Variants in RBM6 observed in about 807,000 individuals in gnomAD.
RBM6 encodes RNA binding motif protein 6.
Under a neutral mutation model 140.4 loss-of-function variants are expected in RBM6, and 23 were observed. The ratio of observed to expected loss-of-function variants is 0.16; its 90% CI spans 0.12 to 0.23. The LOEUF is 0.23. Among genes scored for constraint, RBM6 ranks in the 10% least tolerant of loss-of-function variants. The pLI is 1.00. For synonymous variants in RBM6, 439 were observed against 475.6 expected (o/e 0.92, Z 1.00); for missense variants, 1,139 against 1,386.7 (o/e 0.82, Z 2.84).
chr3:49,980,687 G>A (rs549913672), intron 5 of RBM6, among the ~76,000 whole-genome samples: 20 of 150,548 alleles, frequency 1.3e-4, no homozygotes, highest in South Asian at 1.3e-3. Flanking sequence ...ACTTGAACTC[G>A]GGAGGCGGAG....
chr3:49,961,655 C>T (rs1226430229), intron 1 of RBM6, among the ~76,000 whole-genome samples: 4 of 151,318 alleles, frequency 2.6e-5, no homozygotes, highest in African/African-American at 4.9e-5. Flanking sequence ...AAAAATTAGC[C>T]GGGCATGGTG....
intron 1 of RBM6, among the ~76,000 whole-genome samples, chr3:49,946,334 G>T (rs553458709): frequency 3.6e-4 from 55 of 151,212 alleles, no homozygotes; most frequent in Non-Finnish European, 6.6e-4. Flanking sequence ...TCCACCTCCC[G>T]GGTTCAAGCG....
At chr3:50,063,742 A>G (rs537398449) in intron 15 of RBM6, among the ~76,000 whole-genome samples, 1 of 152,146 alleles carries the variant, frequency 6.6e-6, no homozygotes, top group African/African-American at 2.4e-5. Flanking sequence ...CTCTACTAAA[A>G]AGACAAAAAT....
chr3:49,983,563 C>T (rs1007785294), intron 5 of RBM6, among the ~76,000 whole-genome samples: 3 of 152,126 alleles, frequency 2.0e-5, no homozygotes, highest in African/African-American at 4.8e-5. Context: ...TGCAAATACA[C>T]ATTTTGCAGT....
intron 6 of RBM6, among the ~76,000 whole-genome samples, chr3:50,012,871 T>A (rs2086924925): frequency 6.6e-6 from 1 of 151,290 alleles, no homozygotes; most frequent in Non-Finnish European, 1.5e-5. Context: ...GCCTCCCAAG[T>A]AATTGGGATT....
rs1205816115 is a variant in RBM6, at chr3:50,075,252, C to T, written c.3168C>T (p.Gly1056=). ...ATATCGACACTAGCAGCAAAGGAGG[C>T]TGTGTCCAACAGGCTACTGGCTGGA... ...KEDIDTSSKG[G]CVQQATGWRK... is the part of the protein sequence containing the mutation. Residue 1056 remains glycine (G), a synonymous_variant, in exon 20 of 21, where the codon GGC becomes GGT. Transcript: ENST00000266022. The T allele has an allele frequency of 1.2e-5, 19 of 1,613,902 alleles. No individual in the cohort carries two copies. The highest frequency in any genetic ancestry group is 1.6e-5 in the Non-Finnish European group (19 of 1,180,004).
chr3:50,011,177 A>T (rs961521724), intron 6 of RBM6, among the ~76,000 whole-genome samples: 1 of 151,944 alleles, frequency 6.6e-6, no homozygotes, highest in African/African-American at 2.4e-5. Context: ...CCATGATTAG[A>T]TCACTGCACT....
intron 1 of RBM6, among the ~76,000 whole-genome samples, chr3:49,960,279 G>T (rs989382124): frequency 1.3e-5 from 2 of 152,214 alleles, no homozygotes; most frequent in East Asian, 1.9e-4. Flanking sequence ...GTAGGGCAAG[G>T]TTGAGTAAAA....
intron 15 of RBM6, among the ~76,000 whole-genome samples, chr3:50,064,776 C>T (rs2090059995): frequency 1.3e-5 from 2 of 152,212 alleles, no homozygotes; most frequent in Admixed American, 1.3e-4. Context: ...CTCTCGGGTT[C>T]ATTCTCCTGC....
At position 50,059,742 on chromosome 3, in the gene RBM6, C is replaced by T; in HGVS notation, c.2224C>T (p.Arg742Ter). The T allele has an allele frequency of 6.2e-7, 1 of 1,612,918 alleles. No homozygotes were observed. The highest frequency in any genetic ancestry group is 1.1e-5 in the South Asian group (1 of 90,930). Reference sequence around the variant, plus strand: ...AGCTGTAAACCTGGCCACTGGAAAACGAAGGTAAGGCAGAAGGGTGAGGAT... The same window carrying T: ...AGCTGTAAACCTGGCCACTGGAAAATGAAGGTAAGGCAGAAGGGTGAGGAT... Reference protein sequence around the residue: ...MVAVNLATGKRRNDSGDHSDH... With the variant: ...MVAVNLATGK The change falls in exon 11 of 21, where the codon CGA becomes TGA. Residue 742 changes from arginine (R) to a stop codon, truncating the protein, a stop_gained. Transcript: ENST00000266022. LOFTEE classifies it high-confidence loss of function.
chr3:50,016,749 C>A (rs2087171491), intron 6 of RBM6, among the ~76,000 whole-genome samples: 1 of 151,586 alleles, frequency 6.6e-6, no homozygotes, highest in Non-Finnish European at 1.5e-5. Context: ...AGCTCATTTG[C>A]AGCCTTAACT....
At chr3:49,991,947 A>AT (rs370135343) in intron 5 of RBM6, among the ~76,000 whole-genome samples, 10,504 of 136,960 alleles carry the variant, frequency 0.077, 380 homozygotes, top group African/African-American at 0.11. Context: ...ATTTTATTTT[A>AT]TTTATTTATT....
intron 6 of RBM6, among the ~76,000 whole-genome samples, chr3:50,037,324 T>C (rs2088603983): frequency 6.6e-6 from 1 of 152,044 alleles, no homozygotes. Context: ...TTGCTTGAGC[T>C]CAGGAGATCA....
At chr3:49,945,881 CAAAAAAAAA>C (rs67271820) in intron 1 of RBM6, among the ~76,000 whole-genome samples, 2 of 61,922 alleles carry the variant, frequency 3.2e-5, no homozygotes, top group East Asian at 1.1e-3. Context: ...GACTCCATCT[CAAAAAAAAA>C]AAAAAAAAAA....
At chr3:50,034,325 C>A (rs1162130478) in intron 6 of RBM6, among the ~76,000 whole-genome samples, 3 of 151,946 alleles carry the variant, frequency 2.0e-5, no homozygotes, top group African/African-American at 7.2e-5. Flanking sequence ...TTCTCTGGTT[C>A]CCATCCAGCT....
chr3:49,953,562 T>C (rs2083837289), intron 1 of RBM6, among the ~76,000 whole-genome samples: 1 of 148,184 alleles, frequency 6.7e-6, no homozygotes, highest in Non-Finnish European at 1.5e-5. Flanking sequence ...TCACCCAGGC[T>C]GGAGTGCAGT....
At chr3:50,063,983 G>A (rs2090032951) in intron 15 of RBM6, among the ~76,000 whole-genome samples, 1 of 151,852 alleles carries the variant, frequency 6.6e-6, no homozygotes. Context: ...AGGCTGGAGT[G>A]CAGTGGCGTG....
At chr3:50,064,997 A>G in intron 15 of RBM6, 34 bp from the exon 16 acceptor site, 1 of 1,545,282 alleles carries the variant, frequency 6.5e-7, no homozygotes, top group Non-Finnish European at 8.9e-7. Context: ...ATTATGAGTG[A>G]ATATCATGTG....
chr3:49,982,912 A>C (rs148724386), intron 5 of RBM6, among the ~76,000 whole-genome samples: 174 of 151,882 alleles, frequency 1.1e-3, no homozygotes, highest in African/African-American at 4.1e-3. Context: ...GGGTTTCACC[A>C]TGTTGGCCAG....
Sources: allele counts gnomAD v4.1 joint callset (sites outside exome capture counted in the v4.1 genomes callset), GRCh38; gene constraint gnomAD v4.1.1; transcripts MANE v1.5; gene names NCBI Gene and HGNC (gene_info 2026-07-23, HGNC 2026-07-21).